The following ZFPM2 variants were observed in gnomAD, a reference collection of about 807,000 sequenced individuals.
ZFPM2 encodes the protein zinc finger protein ZFPM2.
In ZFPM2, 20 loss-of-function variants were observed where a neutral mutation model predicts 98.6. The ratio of observed to expected loss-of-function variants is 0.20; its 90% CI spans 0.14 to 0.29. ZFPM2 has a LOEUF of 0.29. ZFPM2 is among the 10% of genes least tolerant of loss of function. The pLI is 1.00. For synonymous variants in ZFPM2, 518 were observed against 502.7 expected (o/e 1.03, Z -0.41); for missense variants, 1,310 against 1,388.6 (o/e 0.94, Z 0.90).
chr8:105,446,924 GA>G (rs533457342), intron 3 of ZFPM2, among the ~76,000 whole-genome samples: 31 of 152,254 alleles, frequency 2.0e-4, no homozygotes, highest in African/African-American at 6.0e-4. Flanking sequence ...AGATTAGGGA[GA>G]AAGTAGGGGG....
chr8:105,686,182 C>G (rs956399311), intron 5 of ZFPM2, among the ~76,000 whole-genome samples: 1 of 152,058 alleles, frequency 6.6e-6, no homozygotes, highest in Non-Finnish European at 1.5e-5. Flanking sequence ...GTAGGGGCAA[C>G]TGTAATTAGA....
At chr8:105,745,512 C>T (rs1283953159) in intron 5 of ZFPM2, among the ~76,000 whole-genome samples, 1 of 152,010 alleles carries the variant, frequency 6.6e-6, no homozygotes, top group African/African-American at 2.4e-5. Flanking sequence ...AAACAGTTAT[C>T]GTGATCACTT....
At chr8:105,586,161 T>C (rs1815709918) in intron 4 of ZFPM2, among the ~76,000 whole-genome samples, 1 of 152,082 alleles carries the variant, frequency 6.6e-6, no homozygotes. Flanking sequence ...CCAGTAAGAA[T>C]GAAATAATTA....
At chr8:105,620,027 A>T (rs1275680793) in intron 4 of ZFPM2, among the ~76,000 whole-genome samples, 2 of 152,164 alleles carry the variant, frequency 1.3e-5, no homozygotes, top group Non-Finnish European at 2.9e-5. Context: ...CATGATTTAT[A>T]ATCCTTTGGG....
At chr8:105,389,860 T>G (rs1586337342) in intron 1 of ZFPM2, among the ~76,000 whole-genome samples, 1 of 152,180 alleles carries the variant, frequency 6.6e-6, no homozygotes, top group Admixed American at 6.5e-5. Flanking sequence ...AGCGCAGTTA[T>G]TAGACCTCTA....
chr8:105,717,677 C>T (rs1281136865), intron 5 of ZFPM2, among the ~76,000 whole-genome samples: 1 of 151,748 alleles, frequency 6.6e-6, no homozygotes, highest in African/African-American at 2.4e-5. Context: ...CCTCAATTAT[C>T]AATTATTTAC....
chr8:105,652,590 C>G (rs1245873023), intron 5 of ZFPM2, among the ~76,000 whole-genome samples: 1 of 152,072 alleles, frequency 6.6e-6, no homozygotes, highest in African/African-American at 2.4e-5. Flanking sequence ...ATCTAGTACT[C>G]ACCATCATTG....
intron 1 of ZFPM2, among the ~76,000 whole-genome samples, chr8:105,359,367 C>CTTTTTTTT (rs111675257): frequency 3.0e-4 from 40 of 135,306 alleles, no homozygotes; most frequent in South Asian, 1.2e-3. Flanking sequence ...CTTTTTCTTT[C>CTTTTTTTT]TTTTTTTTTT....
rs759676967 is a variant in ZFPM2 at position 105,803,290 on chromosome 8, G to A, written c.3208G>A (p.Glu1070Lys). 11 of 1,594,768 alleles carry A rather than the reference G, an allele frequency of 6.9e-6. No homozygotes were observed. Among genetic ancestry groups the A allele is most frequent in the Non-Finnish European group, 9.4e-6 (11 of 1,170,084 alleles). Residue 1070 changes from glutamate (E) to lysine (K), a missense_variant, in exon 8 of 8, where the codon GAA (glutamate) becomes AAA (lysine). By Grantham distance (56) the Glu-to-Lys change is moderately conservative. Transcript: ENST00000407775. Reference protein sequence around the residue: ...QENISQNPQHEDDHKSPSWIS... With the variant: ...QENISQNPQHKDDHKSPSWIS... Reference sequence around the variant, plus strand: ...GAACATTTCCCAGAATCCTCAGCACGAAGACGACCACAAATCTCCCTCGTG... The same window carrying A: ...GAACATTTCCCAGAATCCTCAGCACAAAGACGACCACAAATCTCCCTCGTG...
intron 4 of ZFPM2, among the ~76,000 whole-genome samples, chr8:105,630,197 A>G (rs1261678654): frequency 6.6e-6 from 1 of 152,210 alleles, no homozygotes; most frequent in Admixed American, 6.5e-5. Flanking sequence ...AGTAGCTTCT[A>G]GCTCTTAGCA....
intron 6 of ZFPM2, among the ~76,000 whole-genome samples, chr8:105,790,654 G>A (rs985860868): frequency 1.3e-3 from 194 of 152,248 alleles, no homozygotes; most frequent in African/African-American, 4.4e-3. Context: ...GCTTGATGGG[G>A]ATGGCATTGA....
At position 105,698,307 on chromosome 8, in the gene ZFPM2, G is replaced by A. The variant is rs1251117947; in HGVS notation, c.532+63950G>A. Among the ~76,000 whole-genome samples the A allele has an allele frequency of 2.6e-5, 4 of 152,184 alleles. No homozygotes were observed. The East Asian group carries it at 7.7e-4, about 29-fold the overall frequency. ...GGAAGAGACACTAGGGAAGGTGGCA[G>A]AGGTGGAGAGAGAAGGGGTATCATC... On this transcript the variant is annotated intron_variant, in intron 5 of 7. Transcript: ENST00000407775.
chr8:105,348,042 T>C (rs1274886431), intron 1 of ZFPM2, among the ~76,000 whole-genome samples: 1 of 152,126 alleles, frequency 6.6e-6, no homozygotes, highest in Non-Finnish European at 1.5e-5. Context: ...TGTGTGAGTG[T>C]AATGTTTTAA....
intron 3 of ZFPM2, among the ~76,000 whole-genome samples, chr8:105,551,684 A>AG (rs1260751576): frequency 6.6e-6 from 1 of 151,374 alleles, no homozygotes; most frequent in Non-Finnish European, 1.5e-5. Context: ...TTGTGACCTA[A>AG]AAATCACCTC....
chr8:105,632,980 G>T (rs1034735645), intron 4 of ZFPM2, among the ~76,000 whole-genome samples: 1 of 151,990 alleles, frequency 6.6e-6, no homozygotes, highest in Non-Finnish European at 1.5e-5. Context: ...TTTAACAGTT[G>T]TAATATAATT....
At position 105,801,120 on chromosome 8, in the gene ZFPM2, C is replaced by T. The variant is rs200678280; in HGVS notation, c.1038C>T (p.Ser346=). The stretch of plus-strand genomic sequence containing the variant: ...CCGTCTGTAGCTACACTGCTGATTC[C>T]GTGATCAACTTTCACCAACACCTGT... The part of the protein sequence containing the change: ...KCTVCSYTAD[S]VINFHQHLFS... Residue 346 remains serine, a synonymous_variant, in exon 8 of 8, where the codon TCC becomes TCT. Transcript: ENST00000407775. The T allele has an allele frequency of 1.4e-4, 229 of 1,613,808 alleles. No individual in the cohort carries two copies. Among genetic ancestry groups the T allele is most frequent in the Non-Finnish European group, 1.7e-4 (199 of 1,179,870 alleles).
chr8:105,410,245 AATTG>A (rs1811549047), intron 1 of ZFPM2, among the ~76,000 whole-genome samples: 1 of 151,856 alleles, frequency 6.6e-6, no homozygotes, highest in Non-Finnish European at 1.5e-5. Flanking sequence ...CTTTGTAGTG[AATTG>A]ATTATCTTTT....
At chr8:105,664,223 T>A (rs2130891592) in intron 5 of ZFPM2, among the ~76,000 whole-genome samples, 1 of 152,320 alleles carries the variant, frequency 6.6e-6, no homozygotes, top group South Asian at 2.1e-4. Flanking sequence ...AAATAGTGAT[T>A]CACTAAGTTA....
intron 3 of ZFPM2, among the ~76,000 whole-genome samples, chr8:105,490,384 A>G (rs1237063547): frequency 8.5e-5 from 13 of 152,210 alleles, no homozygotes; most frequent in South Asian, 2.1e-4. Context: ...CCATTTTTAT[A>G]ATTTTTTAAA....
Sources: allele counts gnomAD v4.1 joint callset (sites outside exome capture counted in the v4.1 genomes callset), GRCh38; gene constraint gnomAD v4.1.1; transcripts MANE v1.5; gene names NCBI Gene and HGNC (gene_info 2026-07-23, HGNC 2026-07-21).